The following SLC8A1 variants were observed in gnomAD, a reference collection of about 807,000 sequenced individuals.
The protein encoded by SLC8A1 is sodium/calcium exchanger 1.
SLC8A1 carries 18 observed loss-of-function variants against 68.3 expected under a neutral mutation model. That is an observed-to-expected ratio of 0.26 (90% confidence interval 0.18 to 0.39). The LOEUF (loss-of-function observed/expected upper bound fraction) is 0.39, where lower values mean the gene tolerates loss of function less well. Among genes scored for constraint, SLC8A1 ranks in the 10% least tolerant of loss-of-function variants. The pLI is 1.00. For synonymous variants in SLC8A1, 475 were observed against 415.5 expected (o/e 1.14, Z -1.74); for missense variants, 985 against 1,156.7 (o/e 0.85, Z 2.15).
intron 2 of SLC8A1, among the ~76,000 whole-genome samples, chr2:40,357,604 G>A (rs1004595293): frequency 6.6e-6 from 1 of 151,794 alleles, no homozygotes; most frequent in Non-Finnish European, 1.5e-5. Flanking sequence ...AGGTTGAAGG[G>A]AGCAGTAAAC....
intron 7 of SLC8A1, 105 bp downstream of exon 10, chr2:40,139,296 G>A: frequency 3.1e-6 from 4 of 1,274,772 alleles, no homozygotes; most frequent in South Asian, 1.4e-5. Flanking sequence ...GTCTTTCATA[G>A]GTCTTGGTTT....
chr2:40,506,758 G>T (rs1706396880), intron 1 of SLC8A1, among the ~76,000 whole-genome samples: 1 of 151,836 alleles, frequency 6.6e-6, no homozygotes, highest in Non-Finnish European at 1.5e-5. Flanking sequence ...TTAAGCAAAA[G>T]AATATTTAAA....
chr2:40,332,396 ATAT>A, intron 2 of SLC8A1, among the ~76,000 whole-genome samples: 1 of 122,524 alleles, frequency 8.2e-6, no homozygotes, highest in Non-Finnish European at 1.6e-5. Flanking sequence ...CAGTCAAATG[ATAT>A]CCTCTTTCTG....
At chr2:40,507,126 T>G (rs1706420871) in intron 1 of SLC8A1, among the ~76,000 whole-genome samples, 2 of 152,038 alleles carry the variant, frequency 1.3e-5, no homozygotes, top group South Asian at 4.1e-4. Flanking sequence ...GATTAATGAA[T>G]GTAAAATTAA....
intron 1 of SLC8A1, among the ~76,000 whole-genome samples, chr2:40,476,015 G>T (rs536346184): frequency 1.3e-5 from 2 of 152,144 alleles, no homozygotes; most frequent in African/African-American, 4.8e-5. Context: ...TTCTTTGAGA[G>T]GTATTGTTTT....
intron 2 of SLC8A1, among the ~76,000 whole-genome samples, chr2:40,346,047 T>TAAAAAAAAAAAAAAAA (rs774555210): frequency 3.6e-3 from 152 of 41,692 alleles, no homozygotes; most frequent in Middle Eastern, 0.015. Flanking sequence ...ACATTAACAG[T>TAAAAAAAAAAAAAAAA]AAAAAAAAAA....
At chr2:40,327,697 C>T (rs2075984999) in intron 2 of SLC8A1, among the ~76,000 whole-genome samples, 1 of 152,026 alleles carries the variant, frequency 6.6e-6, no homozygotes, top group Admixed American at 6.6e-5. Context: ...TAACTAGGAG[C>T]TAAACATTGG....
chr2:40,484,352 G>A (rs373354913), intron 1 of SLC8A1, among the ~76,000 whole-genome samples: 3 of 152,208 alleles, frequency 2.0e-5, no homozygotes, highest in Admixed American at 2.0e-4. Flanking sequence ...GCAAGCTTTA[G>A]CACCCAGGGA....
At chr2:40,310,479 G>A (rs1204707753) in intron 2 of SLC8A1, among the ~76,000 whole-genome samples, 1 of 152,212 alleles carries the variant, frequency 6.6e-6, no homozygotes, top group Non-Finnish European at 1.5e-5. Context: ...AACAGTGGGT[G>A]AGAAGAGGTC....
intron 1 of SLC8A1, among the ~76,000 whole-genome samples, chr2:40,445,684 C>T (rs1379456072): frequency 6.6e-6 from 1 of 152,176 alleles, no homozygotes; most frequent in Non-Finnish European, 1.5e-5. Flanking sequence ...TTAAAAAGAA[C>T]TTCTGACAGC....
chr2:40,470,048 C>T (rs1703914383), intron 1 of SLC8A1, among the ~76,000 whole-genome samples: 1 of 152,092 alleles, frequency 6.6e-6, no homozygotes, highest in Admixed American at 6.6e-5. Context: ...CCCTAAAGTT[C>T]AGTTTCAACA....
At chr2:40,495,784 G>A (rs1705655898) in intron 1 of SLC8A1, among the ~76,000 whole-genome samples, 1 of 152,016 alleles carries the variant, frequency 6.6e-6, no homozygotes, top group Non-Finnish European at 1.5e-5. Context: ...CCAGGACTCA[G>A]GATTCTGAGT....
intron 1 of SLC8A1, among the ~76,000 whole-genome samples, chr2:40,482,216 T>C (rs1704675423): frequency 6.6e-6 from 1 of 152,218 alleles, no homozygotes; most frequent in African/African-American, 2.4e-5. Context: ...TTTGGTTTAG[T>C]TGGGCCACTC....
intron 2 of SLC8A1, among the ~76,000 whole-genome samples, chr2:40,253,123 A>G (rs1312401505): frequency 1.8e-5 from 2 of 110,000 alleles, no homozygotes; most frequent in African/African-American, 8.0e-5. Context: ...GTATACATAT[A>G]TACACGTATA....
chr2:40,266,849 C>G (rs183406166), intron 2 of SLC8A1, among the ~76,000 whole-genome samples: 1 of 152,272 alleles, frequency 6.6e-6, no homozygotes, highest in East Asian at 1.9e-4. Flanking sequence ...TGCTTCCACC[C>G]CAAGTTGGAT....
chr2:40,499,883 C>T (rs530996291), intron 1 of SLC8A1, among the ~76,000 whole-genome samples: 183 of 152,174 alleles, frequency 1.2e-3, no homozygotes, highest in Middle Eastern at 3.4e-3. Context: ...AGCAATAAGC[C>T]TTTATTTAAA....
At chr2:40,261,769 A>G (rs550752588) in intron 2 of SLC8A1, among the ~76,000 whole-genome samples, 2 of 152,288 alleles carry the variant, frequency 1.3e-5, no homozygotes, top group South Asian at 4.1e-4. Context: ...TGTGCTTTTC[A>G]GTAAGTGTGA....
chr2:40,396,271 T>G (rs1193488531), intron 2 of SLC8A1, among the ~76,000 whole-genome samples: 1 of 152,134 alleles, frequency 6.6e-6, no homozygotes, highest in Non-Finnish European at 1.5e-5. Flanking sequence ...ATCCATGAAG[T>G]GTGTTTGTTA....
intron 1 of SLC8A1, among the ~76,000 whole-genome samples, chr2:40,479,150 T>C (rs1030211211): frequency 1.3e-5 from 2 of 152,186 alleles, no homozygotes; most frequent in African/African-American, 4.8e-5. Context: ...GTACAAAGAT[T>C]TAGACATGTG....
Sources: allele counts gnomAD v4.1 joint callset (sites outside exome capture counted in the v4.1 genomes callset), GRCh38; gene constraint gnomAD v4.1.1; transcripts MANE v1.5; gene names NCBI Gene and HGNC (gene_info 2026-07-23, HGNC 2026-07-21).